ZNF804B: variants seen among roughly 807,000 people sequenced by gnomAD.
ZNF804B encodes the protein zinc finger 804B.
Under a neutral mutation model 101.4 loss-of-function variants are expected in ZNF804B, and 80 were observed. That is an observed-to-expected ratio of 0.79 (90% CI 0.66 to 0.95). The LOEUF (loss-of-function observed/expected upper bound fraction) is 0.95, where lower values mean the gene tolerates loss of function less well. Ranked by LOEUF, ZNF804B falls within the 40% of genes least tolerant of loss-of-function variation. ZNF804B has a pLI of 0.00. For missense variants in ZNF804B, 1,673 were observed against 1,561.9 expected, an observed-to-expected ratio of 1.07 and a Z score of -1.20; for synonymous variants, 622 against 558.8, an observed-to-expected ratio of 1.11 and a Z score of -1.59.
intron 1 of ZNF804B, among the ~76,000 whole-genome samples, chr7:89,049,819 C>G (rs1789166524): frequency 6.6e-6 from 1 of 152,082 alleles, no homozygotes; most frequent in Non-Finnish European, 1.5e-5. Flanking sequence ...CAAGACAAGC[C>G]TGGCCAACAT....
At chr7:89,168,873 G>T (rs1562903624) in intron 1 of ZNF804B, among the ~76,000 whole-genome samples, 1 of 151,938 alleles carries the variant, frequency 6.6e-6, no homozygotes, top group African/African-American at 2.4e-5. Context: ...TGTTCTTGGA[G>T]CTCCCAAGAT....
chr7:89,178,377 A>G (rs1012596605), intron 1 of ZNF804B, among the ~76,000 whole-genome samples: 14 of 141,306 alleles, frequency 9.9e-5, no homozygotes, highest in African/African-American at 3.7e-4. Flanking sequence ...TTTATTTTTT[A>G]TAGTGCTATA....
intron 1 of ZNF804B, among the ~76,000 whole-genome samples, chr7:88,817,695 A>G (rs1790906609): frequency 6.6e-6 from 1 of 152,234 alleles, no homozygotes; most frequent in South Asian, 2.1e-4. Context: ...CATCACAACT[A>G]ATAAACCAAT....
chr7:88,833,262 T>G (rs1791159834), intron 1 of ZNF804B, among the ~76,000 whole-genome samples: 1 of 151,944 alleles, frequency 6.6e-6, no homozygotes, highest in Non-Finnish European at 1.5e-5. Context: ...TATCTCCCCT[T>G]TCTAACTTCA....
chr7:89,109,990 A>G (rs982334437), intron 1 of ZNF804B, among the ~76,000 whole-genome samples: 7 of 152,004 alleles, frequency 4.6e-5, no homozygotes, highest in African/African-American at 1.7e-4. Context: ...CAGTTGAGGG[A>G]AAAAAAAGAC....
At chr7:88,856,539 A>G (rs1344642400) in intron 1 of ZNF804B, among the ~76,000 whole-genome samples, 1 of 152,150 alleles carries the variant, frequency 6.6e-6, no homozygotes, top group East Asian at 1.9e-4. Context: ...ATACACAATC[A>G]TGTCGTCTGC....
At chr7:89,149,479 T>G (rs1186591450) in intron 1 of ZNF804B, among the ~76,000 whole-genome samples, 1 of 152,110 alleles carries the variant, frequency 6.6e-6, no homozygotes, top group African/African-American at 2.4e-5. Context: ...ACAAATAAAG[T>G]TATTATTTTA....
chr7:89,166,392 T>C (rs1345060898), intron 1 of ZNF804B, among the ~76,000 whole-genome samples: 1 of 152,188 alleles, frequency 6.6e-6, no homozygotes, highest in African/African-American at 2.4e-5. Flanking sequence ...ATATTTTATA[T>C]GTTATGTGTA....
intron 1 of ZNF804B, among the ~76,000 whole-genome samples, chr7:88,898,911 CA>C (rs1792348063): frequency 6.6e-6 from 1 of 152,148 alleles, no homozygotes; most frequent in Non-Finnish European, 1.5e-5. Context: ...GAACTGCACA[CA>C]AAAGACAGAG....
At position 89,334,388 on chromosome 7, in the gene ZNF804B, C is replaced by G. The variant is rs766134214; in HGVS notation, c.1406C>G (p.Pro469Arg). The change falls in exon 4 of 4, where the codon CCC (proline) becomes CGC (arginine). Residue 469 changes from proline to arginine, a missense_variant. Coordinates refer to ENST00000333190, the MANE Select transcript of ZNF804B (RefSeq NM_181646.5). ...CTTCTGCTCTTTACAAAAACAGAAC[C>G]CTGTATCTCTTATGGCTGCAACCCA... ...TELLLFTKTE[P>R]CISYGCNPLY... 1.2e-6 allele frequency: 2 copies of G among 1,613,714 alleles called. No homozygotes were observed. Among genetic ancestry groups the G allele is most frequent in the Non-Finnish European group, 1.7e-6 (2 of 1,179,832 alleles).
chr7:88,942,596 A>T (rs1157514684), intron 1 of ZNF804B, among the ~76,000 whole-genome samples: 1 of 151,564 alleles, frequency 6.6e-6, no homozygotes, highest in Non-Finnish European at 1.5e-5. Context: ...CTTGAAAAAA[A>T]AAAGCCTGGC....
intron 1 of ZNF804B, among the ~76,000 whole-genome samples, chr7:88,835,666 C>T (rs1791203458): frequency 6.6e-6 from 1 of 151,756 alleles, no homozygotes; most frequent in African/African-American, 2.4e-5. Context: ...GAAAGGGTAA[C>T]TTCGATAGTA....
At chr7:88,848,819 GA>G (rs1791412170) in intron 1 of ZNF804B, among the ~76,000 whole-genome samples, 1 of 152,002 alleles carries the variant, frequency 6.6e-6, no homozygotes, top group Non-Finnish European at 1.5e-5. Context: ...CATGAGGCAG[GA>G]AAGTTTAACA....
chr7:88,935,952 C>T (rs1010671172), intron 1 of ZNF804B, among the ~76,000 whole-genome samples: 1 of 149,712 alleles, frequency 6.7e-6, no homozygotes, highest in Non-Finnish European at 1.5e-5. Context: ...ATTCTTTCAT[C>T]TTTCTGTTTT....
At chr7:89,280,729 C>T (rs569196637) in intron 2 of ZNF804B, among the ~76,000 whole-genome samples, 1 of 152,148 alleles carries the variant, frequency 6.6e-6, no homozygotes, top group Non-Finnish European at 1.5e-5. Context: ...TCTGAATAGA[C>T]CAATAACAGT....
chr7:88,928,669 C>T (rs1792841335), intron 1 of ZNF804B, among the ~76,000 whole-genome samples: 1 of 152,048 alleles, frequency 6.6e-6, no homozygotes, highest in South Asian at 2.1e-4. Context: ...TTCTCTCTTC[C>T]CTCTGCCCTT....
rs192377262 is a variant in ZNF804B, at chr7:89,138,852, T to A, written c.109-79303T>A. Reference sequence around the variant, plus strand: ...GCCATTCATGTGAGACATGACTTACTCTTCTTTATCTTCCACCATGATTGT... The same window carrying A: ...GCCATTCATGTGAGACATGACTTACACTTCTTTATCTTCCACCATGATTGT... On this transcript the variant is annotated intron_variant, in intron 1 of 3. Transcript: ENST00000333190. Among the ~76,000 whole-genome samples the A allele has an allele frequency of 2.6e-5, 4 of 152,130 alleles. No individual in the cohort carries two copies. In the East Asian group the frequency reaches 7.7e-4, roughly 29 times the overall value.
At chr7:89,080,188 A>C (rs1388763235) in intron 1 of ZNF804B, among the ~76,000 whole-genome samples, 1 of 151,854 alleles carries the variant, frequency 6.6e-6, no homozygotes, top group East Asian at 1.9e-4. Context: ...GATTGGGTCT[A>C]ATTTGAAGAA....
chr7:88,974,965 T>C (rs1050211593), intron 1 of ZNF804B, among the ~76,000 whole-genome samples: 8 of 151,450 alleles, frequency 5.3e-5, no homozygotes, highest in African/African-American at 1.5e-4. Context: ...ATCACTCTAC[T>C]CTCTACCTCC....
Sources: gnomAD v4.1 joint callset for allele counts (sites outside exome capture counted in the v4.1 genomes callset) on GRCh38, gnomAD v4.1.1 for gene constraint, MANE v1.5 for transcripts, NCBI Gene and HGNC (gene_info 2026-07-23, HGNC 2026-07-21) for gene names.